LRRC74B: variants seen among roughly 807,000 people sequenced by gnomAD.
LRRC74B encodes the protein leucine-rich repeat-containing protein 74B.
In LRRC74B, 30 loss-of-function variants were observed where a neutral mutation model predicts 16.6. The observed-to-expected ratio is 1.80, with a 90% CI of 1.35 to 2.45. The LOEUF is 2.45. Ranked by LOEUF, LRRC74B falls within the 30% of genes most tolerant of loss-of-function variation. The pLI, the probability that LRRC74B is intolerant of heterozygous loss-of-function variation, is 0.00. For synonymous variants in LRRC74B, 134 were observed against 86.0 expected (o/e 1.56, Z -3.09); for missense variants, 326 against 202.4 (o/e 1.61, Z -3.71).
chr22:21,061,929 G>T (rs183218720), downstream of LRRC74B: 1 of 152,158 alleles, frequency 6.6e-6, no homozygotes, highest in Non-Finnish European at 1.5e-5. Flanking sequence ...TGTGGTGATG[G>T]CTACGTAACT....
At chr22:21,051,482 C>G (rs1339030117) in intron 4 of LRRC74B, among the ~76,000 whole-genome samples, 1 of 152,136 alleles carries the variant, frequency 6.6e-6, no homozygotes, top group African/African-American at 2.4e-5. Context: ...CTTCCTTTCT[C>G]TACCACCCCC....
Position 21,057,363 on chromosome 22 carries a change from C to T in LRRC74B, c.1023+163C>T, listed in dbSNP as rs1190432816. Among the ~76,000 whole-genome samples the T allele has an allele frequency of 2.6e-5, 4 of 152,182 alleles. No individual in the cohort carries two copies. The South Asian group carries it at 8.3e-4, about 32-fold the overall frequency. ...ACGGGACTTGAATGCAGGCATGGGG[C>T]CACTCAGCTCTGCCCGCTCCAGACT... On this transcript the variant is annotated intron_variant, in intron 8 of 8. Transcript: ENST00000442047.
chr22:21,060,470 A>G, exon 9 of LRRC74B: 2 of 716,794 alleles, frequency 2.8e-6, no homozygotes, highest in Non-Finnish European at 2.6e-6. Flanking sequence ...AGAGTGGAGT[A>G]TAAAAAGGAG....
rs1234666161 is a variant in LRRC74B, at chr22:21,048,898, G to A, written c.416-53G>A. The A allele has an allele frequency of 2.6e-5, 18 of 703,268 alleles. No individual in the cohort carries two copies. The East Asian group carries it at 4.1e-4, about 16-fold the overall frequency. The allele number at this position is 703,268 out of a possible 1,614,324, so 43.6% of individuals were successfully genotyped here. ...GGAGGTTTGGGGGATGGCAGAAGTA[G>A]GGGAGTGCCTGGCTTTGCATCCCAC... On this transcript the variant is annotated intron_variant, in intron 3 of 8. Transcript: ENST00000442047.
chr22:21,057,644 G>A (rs1319443445), intron 8 of LRRC74B, among the ~76,000 whole-genome samples: 1 of 142,514 alleles, frequency 7.0e-6, no homozygotes, highest in African/African-American at 2.6e-5. Context: ...TTTGAGTCAG[G>A]GTCTCACTCT....
chr22:21,046,909 T>C (rs1929489949), intron 1 of LRRC74B, among the ~76,000 whole-genome samples: 1 of 151,856 alleles, frequency 6.6e-6, no homozygotes, highest in Non-Finnish European at 1.5e-5. Flanking sequence ...CTGGCCAACA[T>C]GGTGAAACCC....
Position 21,058,495 on chromosome 22 carries a change from C to G in LRRC74B, c.1023+1295C>G, listed in dbSNP as rs536533817. Reference sequence around the variant, plus strand: ...TGCCACTGCACTCCAACCTGGGGAACAGGGCCAGATTCTGTCTCAAAAAAA... The same window carrying G: ...TGCCACTGCACTCCAACCTGGGGAAGAGGGCCAGATTCTGTCTCAAAAAAA... On this transcript the variant is annotated intron_variant, in intron 8 of 8. Coordinates refer to ENST00000442047, the Ensembl canonical transcript of LRRC74B. Among the ~76,000 whole-genome samples the G allele has an allele frequency of 2.0e-5, 3 of 152,086 alleles. No homozygotes were observed. The South Asian group carries it at 6.2e-4, about 32-fold the overall frequency.
chr22:21,060,961 G>T (rs944145376), downstream of LRRC74B, among the ~76,000 whole-genome samples: 7 of 152,166 alleles, frequency 4.6e-5, no homozygotes, highest in Admixed American at 4.6e-4. Context: ...AACTGCCTGT[G>T]CCCTTTGATA....
chr22:21,053,947 C>G (rs1394804765), intron 6 of LRRC74B: 7 of 152,460 alleles, frequency 4.6e-5, no homozygotes, highest in African/African-American at 1.7e-4. Context: ...AGGCGGATGG[C>G]TGCGAATTGC....
intron 6 of LRRC74B, 192 bp downstream of exon 6, chr22:21,053,667 A>G (rs1369993062): frequency 3.9e-6 from 2 of 514,464 alleles, no homozygotes; most frequent in Non-Finnish European, 6.9e-6. Flanking sequence ...TTTATTGCCC[A>G]GGGTAGAGTG....
At chr22:21,051,855 A>G (rs1442454652) in intron 4 of LRRC74B, among the ~76,000 whole-genome samples, 2 of 149,996 alleles carry the variant, frequency 1.3e-5, no homozygotes, top group Non-Finnish European at 3.0e-5. Flanking sequence ...TCTCCTCCCC[A>G]CTGTGCATAA....
At chr22:21,050,273 G>C (rs1929903907) in intron 4 of LRRC74B, among the ~76,000 whole-genome samples, 1 of 151,968 alleles carries the variant, frequency 6.6e-6, no homozygotes, top group Non-Finnish European at 1.5e-5. Flanking sequence ...CTGACCTTGT[G>C]ATCCGCCCGC....
At chr22:21,051,725 C>T (rs904858504) in intron 4 of LRRC74B, among the ~76,000 whole-genome samples, 5 of 152,242 alleles carry the variant, frequency 3.3e-5, no homozygotes, top group African/African-American at 1.2e-4. Context: ...CACAAGGCCC[C>T]TCAGCATCTC....
chr22:21,045,999 T>TAAC lies in LRRC74B; in HGVS notation c.13_14insAAC (p.Cys5delinsTer), dbSNP rs1929382969. 1 of 717,324 alleles carries TAAC rather than the reference T, an allele frequency of 1.4e-6. No homozygotes were observed. The highest frequency in any genetic ancestry group is 2.0e-5 in the Admixed American group (1 of 49,994). The allele number at this position is 717,324 out of a possible 1,614,324, so 44.4% of individuals were successfully genotyped here. ...GAGGGTCGTAACCATGAGGGGTTCC[T>TAAC]GTGAGAGGTCTGGGGAGGATGAAGA... On this transcript the variant is annotated stop_gained, in exon 1 of 9. Transcript: ENST00000442047. LOFTEE classifies it high-confidence loss of function.
intron 8 of LRRC74B, among the ~76,000 whole-genome samples, chr22:21,059,493 G>A (rs1218340937): frequency 7.9e-5 from 12 of 152,128 alleles, no homozygotes; most frequent in Admixed American, 2.0e-4. Context: ...ACCAGAAAGC[G>A]GAGGTTTCAG....
chr22:21,057,330 G>A, intron 8 of LRRC74B, 130 bp downstream of exon 8: 1 of 617,474 alleles, frequency 1.6e-6, no homozygotes, highest in Non-Finnish European at 2.9e-6. Context: ...GGCAGAAGCA[G>A]AGTTGCAACG....
At chr22:21,054,412 C>T (rs1377505493) in intron 6 of LRRC74B, among the ~76,000 whole-genome samples, 4 of 152,216 alleles carry the variant, frequency 2.6e-5, no homozygotes, top group Admixed American at 6.5e-5. Context: ...GGCCAGGCAG[C>T]GTCCCAGCCT....
intron 7 of LRRC74B, chr22:21,056,648 AT>A: frequency 6.0e-6 from 1 of 165,682 alleles, no homozygotes; most frequent in Non-Finnish European, 1.2e-5. Context: ...ACACGGTACT[AT>A]TTTTCACCCC....
chr22:21,053,020 C>T (rs1930194026), intron 5 of LRRC74B, among the ~76,000 whole-genome samples: 1 of 152,206 alleles, frequency 6.6e-6, no homozygotes, highest in Admixed American at 6.5e-5. Flanking sequence ...GGGATCCCTG[C>T]CCTCTAGAGC....
Sources: allele counts gnomAD v4.1 joint callset (sites outside exome capture counted in the v4.1 genomes callset), GRCh38; gene constraint gnomAD v4.1.1; transcripts MANE v1.5; gene names NCBI Gene and HGNC (gene_info 2026-07-23, HGNC 2026-07-21).